The following C8orf34 variants were observed in gnomAD, a reference collection of about 807,000 sequenced individuals.
The protein encoded by C8orf34 is uncharacterized protein C8orf34.
Under a neutral mutation model 68.3 loss-of-function variants are expected in C8orf34, and 65 were observed. That is an observed-to-expected ratio of 0.95 (90% CI 0.78 to 1.17). The LOEUF (loss-of-function observed/expected upper bound fraction) is 1.17. C8orf34 is among the 50% of genes most tolerant of loss of function. The pLI is 0.00. For missense variants in C8orf34, 664 were observed against 655.4 expected, an observed-to-expected ratio of 1.01 and a Z score of -0.14; for synonymous variants, 244 against 241.2, an observed-to-expected ratio of 1.01 and a Z score of -0.11.
At chr8:68,589,637 A>T (rs1817318661) in intron 7 of C8orf34, among the ~76,000 whole-genome samples, 1 of 146,792 alleles carries the variant, frequency 6.8e-6, no homozygotes, top group Non-Finnish European at 1.5e-5. Flanking sequence ...GAAGGAGGAG[A>T]GAAGAAGAGA....
intron 6 of C8orf34, chr8:68,525,484 G>A (rs889953058): frequency 1.6e-6 from 1 of 633,418 alleles, no homozygotes; most frequent in Non-Finnish European, 2.7e-6. Context: ...GTTTCCCTCT[G>A]AGGCATTTTA....
chr8:68,624,271 C>CAAAA (rs35851704), intron 7 of C8orf34, among the ~76,000 whole-genome samples: 2 of 81,096 alleles, frequency 2.5e-5, no homozygotes, highest in Non-Finnish European at 5.5e-5. Flanking sequence ...GGCTCTGTCT[C>CAAAA]AAAAAAAAAA....
intron 10 of C8orf34, among the ~76,000 whole-genome samples, chr8:68,762,034 A>G (rs1823038801): frequency 6.6e-6 from 1 of 152,238 alleles, no homozygotes; most frequent in South Asian, 2.1e-4. Flanking sequence ...AGTGGCCAAC[A>G]CTGCTCTCAC....
At chr8:68,504,027 T>A (rs1813895377) in intron 5 of C8orf34, among the ~76,000 whole-genome samples, 1 of 152,204 alleles carries the variant, frequency 6.6e-6, no homozygotes, top group African/African-American at 2.4e-5. Context: ...ACAACCTAAA[T>A]TTAGAACAAT....
intron 10 of C8orf34, among the ~76,000 whole-genome samples, chr8:68,775,358 A>G (rs1823484800): frequency 6.6e-6 from 1 of 152,194 alleles, no homozygotes; most frequent in Non-Finnish European, 1.5e-5. Flanking sequence ...TTCAGAATTT[A>G]TTTCCAAATG....
At chr8:68,743,481 A>G (rs535093398) in intron 10 of C8orf34, among the ~76,000 whole-genome samples, 3 of 152,276 alleles carry the variant, frequency 2.0e-5, no homozygotes, top group Non-Finnish European at 2.9e-5. Context: ...GGAATGCCAG[A>G]CAGTGGGTGC....
At chr8:68,545,843 CAAAG>C (rs993493528) in intron 7 of C8orf34, among the ~76,000 whole-genome samples, 5 of 151,864 alleles carry the variant, frequency 3.3e-5, no homozygotes, top group African/African-American at 9.7e-5. Context: ...CATTAATTTT[CAAAG>C]ACAATTGACT....
chr8:68,537,916 G>A (rs150214679), intron 7 of C8orf34, among the ~76,000 whole-genome samples: 1 of 152,008 alleles, frequency 6.6e-6, no homozygotes, highest in African/African-American at 2.4e-5. Flanking sequence ...CTTTTATGGT[G>A]TTTAGTAAGA....
intron 1 of C8orf34, among the ~76,000 whole-genome samples, chr8:68,381,527 T>C (rs1162653373): frequency 6.7e-6 from 1 of 149,880 alleles, no homozygotes; most frequent in Non-Finnish European, 1.5e-5. Flanking sequence ...GGTCAGGAGA[T>C]CGAGACCATC....
chr8:68,769,944 G>T (rs1283791842), intron 10 of C8orf34, among the ~76,000 whole-genome samples: 1 of 152,270 alleles, frequency 6.6e-6, no homozygotes, highest in African/African-American at 2.4e-5. Context: ...ATTTGAGTGA[G>T]GGGAGCCGGG....
intron 5 of C8orf34, among the ~76,000 whole-genome samples, chr8:68,490,963 T>C (rs1269295493): frequency 6.6e-6 from 1 of 152,238 alleles, no homozygotes; most frequent in Non-Finnish European, 1.5e-5. Context: ...GCAGTTAGTA[T>C]TCACCTGGTA....
intron 10 of C8orf34, among the ~76,000 whole-genome samples, chr8:68,745,499 G>A (rs1395006024): frequency 3.9e-5 from 6 of 152,114 alleles, no homozygotes; most frequent in African/African-American, 1.2e-4. Context: ...CATCTCACGT[G>A]CAGAGACACA....
chr8:68,534,172 A>G (rs1356358498), intron 7 of C8orf34: 5 of 985,284 alleles, frequency 5.1e-6, no homozygotes, highest in Non-Finnish European at 6.0e-6. Flanking sequence ...TATTTGGTCA[A>G]TGGTGACAGG....
chr8:68,800,983 A>G (rs2129529560), intron 12 of C8orf34, among the ~76,000 whole-genome samples: 1 of 152,302 alleles, frequency 6.6e-6, no homozygotes, highest in East Asian at 1.9e-4. Context: ...ATTGTCTATG[A>G]GGCTATGTTT....
chr8:68,350,704 T>C (rs956652728), intron 1 of C8orf34, among the ~76,000 whole-genome samples: 32 of 152,122 alleles, frequency 2.1e-4, no homozygotes, highest in Admixed American at 4.6e-4. Flanking sequence ...TTTGTCTTTT[T>C]TGATGTTTGT....
At chr8:68,725,239 G>T (rs1000618048) in intron 10 of C8orf34, among the ~76,000 whole-genome samples, 7 of 152,118 alleles carry the variant, frequency 4.6e-5, no homozygotes, top group Non-Finnish European at 1.0e-4. Flanking sequence ...AATTAAGAAA[G>T]ACCATTGATA....
intron 11 of C8orf34, among the ~76,000 whole-genome samples, chr8:68,785,821 A>G (rs76819665): frequency 0.037 from 5,675 of 152,304 alleles, 151 homozygotes; most frequent in Middle Eastern, 0.068. Context: ...TATCCTGTGC[A>G]TCACACAACC....
intron 10 of C8orf34, among the ~76,000 whole-genome samples, chr8:68,758,580 C>T (rs1365712856): frequency 6.6e-6 from 1 of 152,042 alleles, no homozygotes; most frequent in Non-Finnish European, 1.5e-5. Flanking sequence ...GACTATCTAT[C>T]TCTAATTAAG....
intron 12 of C8orf34, among the ~76,000 whole-genome samples, chr8:68,796,514 A>G (rs1437368018): frequency 3.3e-5 from 5 of 152,198 alleles, no homozygotes; most frequent in Non-Finnish European, 7.3e-5. Context: ...AATTCTGTGG[A>G]AAAATAAGTT....
Sources: allele counts gnomAD v4.1 joint callset (sites outside exome capture counted in the v4.1 genomes callset), GRCh38; gene constraint gnomAD v4.1.1; transcripts MANE v1.5; gene names NCBI Gene and HGNC (gene_info 2026-07-23, HGNC 2026-07-21).